The following ANKRD46 variants were observed in gnomAD, a reference collection of about 807,000 sequenced individuals.
The protein encoded by ANKRD46 is ankyrin repeat domain-containing protein 46.
ANKRD46 carries 13 observed loss-of-function variants against 19.8 expected under a neutral mutation model. That is an observed-to-expected ratio of 0.66 (90% CI 0.43 to 1.04). The LOEUF (loss-of-function observed/expected upper bound fraction) is 1.04, where lower values mean the gene tolerates loss of function less well. ANKRD46 is among the 50% of genes least tolerant of loss of function. ANKRD46 has a pLI of 0.00. For missense variants in ANKRD46, 185 were observed against 274.8 expected, an observed-to-expected ratio of 0.67 and a Z score of 2.31; for synonymous variants, 91 against 106.9, an observed-to-expected ratio of 0.85 and a Z score of 0.92.
chr8:100,553,709 A>G (rs1812440163), intron 1 of ANKRD46, among the ~76,000 whole-genome samples: 1 of 152,328 alleles, frequency 6.6e-6, no homozygotes, highest in South Asian at 2.1e-4. Flanking sequence ...AGGTTGCACC[A>G]CTGCACTCCA....
At chr8:100,558,725 A>T (rs555946099) in intron 1 of ANKRD46, among the ~76,000 whole-genome samples, 2 of 152,314 alleles carry the variant, frequency 1.3e-5, no homozygotes, top group Admixed American at 1.3e-4. Flanking sequence ...TACTGAAGTA[A>T]GGGAGATGAG....
intron 5 of ANKRD46, among the ~76,000 whole-genome samples, chr8:100,514,690 C>T (rs1299484507): frequency 2.3e-5 from 3 of 133,212 alleles, no homozygotes; most frequent in Non-Finnish European, 4.6e-5. Flanking sequence ...GGTGCAATCT[C>T]GGCTTACTGC....
chr8:100,541,506 T>A (rs1379362168), intron 1 of ANKRD46, among the ~76,000 whole-genome samples: 4 of 152,114 alleles, frequency 2.6e-5, no homozygotes, highest in Admixed American at 2.0e-4. Flanking sequence ...CAACACAGAG[T>A]GTCCTCAGGT....
At position 100,522,203 on chromosome 8, in the gene ANKRD46, T is replaced by C. The variant is rs1811737451; in HGVS notation, c.*352A>G. 7 of 1,018,566 alleles carry C rather than the reference T, an allele frequency of 6.9e-6. No individual in the cohort carries two copies. The South Asian group carries it at 2.6e-4, about 37-fold the overall frequency. The allele number at this position is 1,018,566 out of a possible 1,614,324, so 63.1% of individuals were successfully genotyped here. A position where few individuals can be genotyped will look rare whatever the true frequency, so the allele number is the denominator to read the frequency against. On this transcript the variant is annotated 3_prime_UTR_variant, in exon 5 of 5. Transcript: ENST00000335659. The stretch of plus-strand genomic sequence containing the variant: ...AGATACTGTTTTTCTTTTTGAATAC[T>C]TCAATTGGTCCTATATTAGGATAAG...
Position 100,532,715 on chromosome 8 carries a change from T to A in ANKRD46, c.-28+494A>T, listed in dbSNP as rs982500517. Among the ~76,000 whole-genome samples, 2 of 152,188 alleles carry A rather than the reference T, an allele frequency of 1.3e-5. No individual in the cohort carries two copies. The highest frequency in any genetic ancestry group is 2.9e-5 in the Non-Finnish European group (2 of 68,040). On this transcript the variant is annotated intron_variant, in intron 2 of 4. Coordinates refer to ENST00000335659, the MANE Select transcript of ANKRD46 (RefSeq NM_001270377.2). The surrounding 1 kb of genome is among the most constrained non-coding windows in gnomAD (Gnocchi z 4.7). ...AATTGCAAAAAAAATCTCAGAATGT[T>A]TTTTAAAAGTTTATGAATTTGTGTT...
At chr8:100,539,071 C>T (rs538357466) in intron 1 of ANKRD46, among the ~76,000 whole-genome samples, 6 of 152,274 alleles carry the variant, frequency 3.9e-5, no homozygotes, top group Admixed American at 2.0e-4. Context: ...AGTCTCTGAC[C>T]GGTGAATAGT....
At position 100,524,033 on chromosome 8, in the gene ANKRD46, T is replaced by C. The variant is rs1413404815; in HGVS notation, c.471-1262A>G. 2.0e-5 allele frequency among the ~76,000 whole-genome samples: 3 copies of C among 152,244 alleles called. No individual in the cohort carries two copies. The highest frequency in any genetic ancestry group is 2.0e-4 in the Admixed American group (3 of 15,284). On this transcript the variant is annotated intron_variant, in intron 4 of 4. Transcript: ENST00000335659. The surrounding 1 kb of genome is among the most constrained non-coding windows in gnomAD (Gnocchi z 4.3). ...AGAATATGTTCATTTCTCTTCTGCA[T>C]AAAGGCTAGTCTAGTTGAAAATAAG...
chr8:100,551,531 G>A, intron 1 of ANKRD46: 1 of 815,228 alleles, frequency 1.2e-6, no homozygotes, highest in Non-Finnish European at 2.1e-6. Flanking sequence ...CCCATTCTCA[G>A]CCTTGACGGT....
Position 100,527,727 on chromosome 8 carries a change from TG to T in ANKRD46, c.470+117del. ...AAAAATCGTATTATCTTGCTGGGTG[TG>T]GCTACATGTGCCTATAGTCCCAGCT... is the stretch of plus-strand genomic sequence containing the variant. On this transcript the variant is annotated intron_variant, in intron 4 of 4. Coordinates refer to ENST00000335659, the MANE Select transcript of ANKRD46 (RefSeq NM_001270377.2). The surrounding 1 kb of genome is among the most constrained non-coding windows in gnomAD (Gnocchi z 4.0). 1 of 1,026,938 alleles carries T rather than the reference TG, an allele frequency of 9.7e-7. No individual in the cohort carries two copies. The highest frequency in any genetic ancestry group is 1.4e-6 in the Non-Finnish European group (1 of 729,522). The allele number at this position is 1,026,938 out of a possible 1,614,324, so 63.6% of individuals were successfully genotyped here.
In ANKRD46 at chr8:100,527,799, A is replaced by G. The variant is rs1811870793; in HGVS notation, c.470+46T>C. ...AAGAATGCTTGAGCCCAGGAGTTCA[A>G]GGAATGAGTAATACAGTGAGAAAAA... On this transcript the variant is annotated intron_variant, in intron 4 of 4. Coordinates refer to ENST00000335659, the MANE Select transcript of ANKRD46 (RefSeq NM_001270377.2). This position sits in a 1 kb window ranked among gnomAD's most constrained non-coding sequence, Gnocchi z 4.0. 6.5e-7 allele frequency: 1 copy of G among 1,549,624 alleles called. No homozygotes were observed. The highest frequency in any genetic ancestry group is 8.7e-7 in the Non-Finnish European group (1 of 1,146,446).
intron 5 of ANKRD46, among the ~76,000 whole-genome samples, chr8:100,515,461 C>G (rs1034222176): frequency 1.3e-5 from 2 of 152,134 alleles, no homozygotes; most frequent in African/African-American, 2.4e-5. Context: ...GAGTGAGTCT[C>G]CTGTTGACAC....
At position 100,529,073 on chromosome 8, in the gene ANKRD46, T is replaced by C. The variant is rs1414741103; in HGVS notation, c.311+450A>G. 6.6e-6 allele frequency among the ~76,000 whole-genome samples: 1 copy of C among 152,244 alleles called. No individual in the cohort carries two copies. The highest frequency in any genetic ancestry group is 6.5e-5 in the Admixed American group (1 of 15,288). ...TAGGTTCAAATTCCAGCTCTGTCCC[T>C]TATAAGCTGTGACCTTTTCAAATCC... On this transcript the variant is annotated intron_variant, in intron 3 of 4. Coordinates refer to ENST00000335659, the MANE Select transcript of ANKRD46 (RefSeq NM_001270377.2). The surrounding 1 kb of genome is among the most constrained non-coding windows in gnomAD (Gnocchi z 5.8).
chr8:100,538,148 G>A (rs1336163315), intron 1 of ANKRD46, among the ~76,000 whole-genome samples: 6 of 151,946 alleles, frequency 3.9e-5, no homozygotes, highest in African/African-American at 9.7e-5. Context: ...ATGTACACTC[G>A]ATTAAGTTCA....
In ANKRD46 at chr8:100,527,317, T is replaced by C. The variant is rs1412008109; in HGVS notation, c.470+528A>G. On this transcript the variant is annotated intron_variant, in intron 4 of 4. Coordinates refer to ENST00000335659, the MANE Select transcript of ANKRD46 (RefSeq NM_001270377.2). The surrounding 1 kb of genome is among the most constrained non-coding windows in gnomAD (Gnocchi z 4.0). Reference sequence around the variant, plus strand: ...TACTATCTTGCTTTCCCTCTCTTGTTTTCTTGTTTCTCAGCATTCCACTTC... The same window carrying C: ...TACTATCTTGCTTTCCCTCTCTTGTCTTCTTGTTTCTCAGCATTCCACTTC... 6.6e-6 allele frequency among the ~76,000 whole-genome samples: 1 copy of C among 152,236 alleles called. No homozygotes were observed. Among genetic ancestry groups the C allele is most frequent in the East Asian group, 1.9e-4 (1 of 5,198 alleles).
At chr8:100,516,502 C>A (rs1381574739), downstream of ANKRD46, among the ~76,000 whole-genome samples, 1 of 152,052 alleles carries the variant, frequency 6.6e-6, no homozygotes, top group Non-Finnish European at 1.5e-5. Context: ...TAACTATCCA[C>A]CCCCCCATCA....
chr8:100,539,731 T>C (rs903675021), intron 1 of ANKRD46, among the ~76,000 whole-genome samples: 2 of 152,244 alleles, frequency 1.3e-5, no homozygotes, highest in African/African-American at 4.8e-5. Flanking sequence ...ATTTGAAGTA[T>C]GTGAATTACA....
rs1812264105 is a variant in ANKRD46, at chr8:100,545,889, A to G, written c.-130-12578T>C. ...ATGCTTTAGCAAAAAGACTGGTGGC[A>G]TTTTGCCCCTGACCTAGAGATCTGC... is the stretch of plus-strand genomic sequence containing the variant. On this transcript the variant is annotated intron_variant, in intron 1 of 4. Transcript: ENST00000335659. The surrounding 1 kb of genome is among the most constrained non-coding windows in gnomAD (Gnocchi z 4.7). Among the ~76,000 whole-genome samples the G allele has an allele frequency of 1.3e-5, 2 of 152,236 alleles. No individual in the cohort carries two copies. The highest frequency in any genetic ancestry group is 2.9e-5 in the Non-Finnish European group (2 of 68,042).
At chr8:100,553,477 G>A (rs1025510154) in intron 1 of ANKRD46, among the ~76,000 whole-genome samples, 1 of 152,182 alleles carries the variant, frequency 6.6e-6, no homozygotes, top group Non-Finnish European at 1.5e-5. Context: ...CGCAGGCTGG[G>A]TGTGGTGGCT....
In ANKRD46 at chr8:100,536,885, G is replaced by A. The variant is rs2022927; in HGVS notation, c.-130-3574C>T. Among the ~76,000 whole-genome samples, 913 of 152,284 alleles carry A rather than the reference G, an allele frequency of 6.0e-3. 13 individuals are homozygous for A. Among genetic ancestry groups the A allele is most frequent in the African/African-American group, 0.021 (873 of 41,544 alleles). ...CCTGACACTTAAAACTCCTCACTCT[G>A]TGCTCTGTGGCACTGCCTGAGAGAC... On this transcript the variant is annotated intron_variant, in intron 1 of 4. Transcript: ENST00000335659. This position sits in a 1 kb window ranked among gnomAD's most constrained non-coding sequence, Gnocchi z 4.9.
Sources: gnomAD v4.1 joint callset for allele counts (sites outside exome capture counted in the v4.1 genomes callset) on GRCh38, gnomAD v4.1.1 for gene constraint, Gnocchi (gnomAD v3.1) non-coding constraint, MANE v1.5 for transcripts, NCBI Gene and HGNC (gene_info 2026-07-23, HGNC 2026-07-21) for gene names.